The following NAA25 variants were observed in gnomAD, a reference collection of about 807,000 sequenced individuals.
NAA25 encodes N-alpha-acetyltransferase 25, NatB auxiliary subunit.
In NAA25, 30 loss-of-function variants were observed where a neutral mutation model predicts 132.5. That is an observed-to-expected ratio of 0.23 (90% CI 0.17 to 0.31). NAA25 has a LOEUF of 0.31. Among genes scored for constraint, NAA25 ranks in the 10% least tolerant of loss-of-function variants. The pLI is 1.00. For synonymous variants in NAA25, 359 were observed against 401.9 expected (o/e 0.89, Z 1.28); for missense variants, 771 against 1,150.4 (o/e 0.67, Z 4.77).
chr12:112,078,566 T>A, intron 6 of NAA25, 68 bp downstream of exon 6: 1 of 1,339,346 alleles, frequency 7.5e-7, no homozygotes, highest in South Asian at 1.2e-5. Context: ...CAGTTCATAG[T>A]ATTATAACAT....
intron 1 of NAA25, among the ~76,000 whole-genome samples, chr12:112,107,715 T>G (rs191940397): frequency 6.6e-6 from 1 of 152,246 alleles, no homozygotes; most frequent in Admixed American, 6.5e-5. Context: ...GGTCTATAAA[T>G]ACGATGTCTA....
intron 4 of NAA25, among the ~76,000 whole-genome samples, chr12:112,084,112 T>A (rs2079010203): frequency 6.6e-6 from 1 of 152,178 alleles, no homozygotes; most frequent in African/African-American, 2.4e-5. Context: ...TCTAAGTTGG[T>A]GACTCAGAAT....
chr12:112,060,332 T>C lies in NAA25; in HGVS notation c.1385A>G (p.Gln462Arg). The C allele has an allele frequency of 6.2e-7, 1 of 1,613,230 alleles. No homozygotes were observed. The highest frequency in any genetic ancestry group is 8.5e-7 in the Non-Finnish European group (1 of 1,179,386). The change falls in exon 13 of 24, where the codon CAA (glutamine) becomes CGA (arginine). Residue 462 changes from glutamine (Q) to arginine (R), a missense_variant. Gln to Arg is a conservative substitution (Grantham distance 43). Around this residue, in one of 3 missense-constraint regions of NAA25, gnomAD observed 417 missense variants for 733.8 expected, o/e 0.57. Coordinates refer to ENST00000261745, the MANE Select transcript of NAA25 (RefSeq NM_024953.4). The part of the protein sequence containing the change: ...FGKTCLKTEL[Q>R]FSDYYCLLAV... ...AAGGAGACAGTAATAGTCAGAAAAT[T>C]GCAATTCTGTTTTCAAACAGGTTTT...
intron 20 of NAA25, among the ~76,000 whole-genome samples, chr12:112,041,805 A>G (rs1393457966): frequency 3.9e-5 from 6 of 152,248 alleles, no homozygotes; most frequent in Non-Finnish European, 8.8e-5. Context: ...TAACAAAAAA[A>G]TTAAAGTCAA....
intron 2 of NAA25, among the ~76,000 whole-genome samples, chr12:112,091,523 T>C (rs1239343860): frequency 6.6e-6 from 1 of 152,096 alleles, no homozygotes; most frequent in Non-Finnish European, 1.5e-5. Flanking sequence ...TGAGATCCCA[T>C]TTTTACAAAA....
At chr12:112,042,281 G>C in intron 19 of NAA25, 177 bp from the exon 20 acceptor site, 1 of 330,872 alleles carries the variant, frequency 3.0e-6, no homozygotes, top group South Asian at 8.1e-5. Flanking sequence ...GGAAAAGGAA[G>C]AATAAAAAGA....
intron 4 of NAA25, among the ~76,000 whole-genome samples, chr12:112,082,408 C>CAT (rs1272267568): frequency 4.6e-5 from 7 of 151,570 alleles, no homozygotes; most frequent in Non-Finnish European, 7.4e-5. Flanking sequence ...TACACACACA[C>CAT]ATATATATGT....
chr12:112,032,583 A>C (rs1239306953), intron 23 of NAA25, among the ~76,000 whole-genome samples: 1 of 152,232 alleles, frequency 6.6e-6, no homozygotes, highest in African/African-American at 2.4e-5. Flanking sequence ...GGCTAGAAAC[A>C]GACGACTCCA....
intron 5 of NAA25, 34 bp downstream of exon 5, chr12:112,081,026 C>T: frequency 1.3e-6 from 2 of 1,555,030 alleles, no homozygotes; most frequent in South Asian, 2.2e-5. Flanking sequence ...AAAATAAAAC[C>T]AAACCTCAAT....
In NAA25 at chr12:112,061,195, T is replaced by C; in HGVS notation, c.1343A>G (p.His448Arg). The change falls in exon 12 of 24, where the codon CAT (histidine) becomes CGT (arginine). Residue 448 changes from histidine to arginine, a missense_variant. Physicochemically the swap from His to Arg is conservative, Grantham distance 29. Around this residue, in one of 3 missense-constraint regions of NAA25, gnomAD observed 417 missense variants for 733.8 expected, o/e 0.57. Coordinates refer to ENST00000261745, the MANE Select transcript of NAA25 (RefSeq NM_024953.4). ...VVRELMLRYQHGLEFGKTCLK... is the reference protein window; with the variant it reads ...VVRELMLRYQRGLEFGKTCLK... Reference sequence around the variant, plus strand: ...TGGTTGCTCACCAAATTCCAGTCCATGCTGGTACCTTAACATCAATTCTCT... The same window carrying C: ...TGGTTGCTCACCAAATTCCAGTCCACGCTGGTACCTTAACATCAATTCTCT... 1 of 1,613,504 alleles carries C rather than the reference T, an allele frequency of 6.2e-7. No homozygotes were observed. Among genetic ancestry groups the C allele is most frequent in the Non-Finnish European group, 8.5e-7 (1 of 1,179,918 alleles).
chr12:112,067,047 C>T (rs1053519938), intron 11 of NAA25, among the ~76,000 whole-genome samples: 1 of 152,000 alleles, frequency 6.6e-6, no homozygotes, highest in East Asian at 1.9e-4. Context: ...ACTAAAAATA[C>T]AAAAATCATC....
chr12:112,033,418 A>AC (rs1393764060), intron 22 of NAA25, 39 bp from the exon 23 acceptor site: 1 of 1,562,856 alleles, frequency 6.4e-7, no homozygotes, highest in Non-Finnish European at 8.7e-7. Context: ...ACATTATCAA[A>AC]CATATTACCC....
At chr12:112,032,266 C>T (rs140160149) in intron 23 of NAA25, among the ~76,000 whole-genome samples, 14 of 152,146 alleles carry the variant, frequency 9.2e-5, no homozygotes, top group Non-Finnish European at 1.8e-4. Flanking sequence ...GTGCCCAGCC[C>T]ATGTCTGCTT....
intron 1 of NAA25, among the ~76,000 whole-genome samples, chr12:112,104,734 G>C (rs2079337515): frequency 1.3e-5 from 2 of 152,066 alleles, no homozygotes; most frequent in Admixed American, 1.3e-4. Flanking sequence ...TGCTCTGGAG[G>C]CTGAGGCAGG....
intron 5 of NAA25, among the ~76,000 whole-genome samples, chr12:112,079,913 C>G (rs1042331732): frequency 6.6e-6 from 1 of 152,058 alleles, no homozygotes; most frequent in African/African-American, 2.4e-5. Context: ...ATCAAGCAAC[C>G]CAGCAATAGA....
At chr12:112,038,305 C>T (rs1300114183) in intron 22 of NAA25, among the ~76,000 whole-genome samples, 1 of 152,148 alleles carries the variant, frequency 6.6e-6, no homozygotes, top group Non-Finnish European at 1.5e-5. Flanking sequence ...TGAGCCACCA[C>T]ATCCGGCCTG....
At chr12:112,043,304 T>C in intron 18 of NAA25, 93 bp from the exon 19 acceptor site, 1 of 1,328,438 alleles carries the variant, frequency 7.5e-7, no homozygotes, top group African/African-American at 1.5e-5. Flanking sequence ...AAAACCTGTC[T>C]CAGCGGTTCA....
chr12:112,081,775 A>G (rs2078976043), intron 4 of NAA25, among the ~76,000 whole-genome samples: 1 of 152,244 alleles, frequency 6.6e-6, no homozygotes, highest in Admixed American at 6.5e-5. Context: ...GGTAATTTTC[A>G]TATGTTTTTT....
At chr12:112,046,113 C>T (rs1447651676) in intron 17 of NAA25, among the ~76,000 whole-genome samples, 1 of 152,144 alleles carries the variant, frequency 6.6e-6, no homozygotes, top group Non-Finnish European at 1.5e-5. Context: ...AAGAGTGACT[C>T]GCTGTGCCTA....
Sources: allele counts gnomAD v4.1 joint callset (sites outside exome capture counted in the v4.1 genomes callset), GRCh38; gene constraint gnomAD v4.1.1; regional missense constraint gnomAD v4.1.1; transcripts MANE v1.5; gene names NCBI Gene and HGNC (gene_info 2026-07-23, HGNC 2026-07-21).